CNTNAP5: variants seen among roughly 807,000 people sequenced by gnomAD.
The protein encoded by CNTNAP5 is contactin associated protein family member 5.
CNTNAP5 carries 72 observed loss-of-function variants against 150.2 expected under a neutral mutation model. That is an observed-to-expected ratio of 0.48 (90% CI 0.40 to 0.58). The LOEUF is 0.58. Ranked by LOEUF, CNTNAP5 falls within the 20% of genes least tolerant of loss-of-function variation. CNTNAP5 has a pLI of 0.00. For synonymous variants in CNTNAP5, 672 were observed against 619.8 expected (o/e 1.08, Z -1.25); for missense variants, 1,636 against 1,626.2 (o/e 1.01, Z -0.10).
intron 3 of CNTNAP5, among the ~76,000 whole-genome samples, chr2:124,370,310 GT>G (rs1690492105): frequency 6.6e-6 from 1 of 152,112 alleles, no homozygotes; most frequent in African/African-American, 2.4e-5. Flanking sequence ...AAGAGAAAGG[GT>G]TGCAATGGCT....
intron 22 of CNTNAP5, among the ~76,000 whole-genome samples, chr2:124,909,960 C>T (rs1177104677): frequency 6.6e-6 from 1 of 150,472 alleles, no homozygotes; most frequent in African/African-American, 2.4e-5. Context: ...CCAGACCCAC[C>T]TTATCAATGT....
chr2:124,173,113 G>A (rs748479881), intron 1 of CNTNAP5, among the ~76,000 whole-genome samples: 4 of 152,114 alleles, frequency 2.6e-5, no homozygotes, highest in Non-Finnish European at 5.9e-5. Flanking sequence ...CACCAAAAGT[G>A]CACCTCTATA....
At chr2:124,504,881 T>A (rs949046839) in intron 8 of CNTNAP5, among the ~76,000 whole-genome samples, 1 of 151,866 alleles carries the variant, frequency 6.6e-6, no homozygotes, top group Non-Finnish European at 1.5e-5. Context: ...TAATTTTTTT[T>A]ATTTTTAGTA....
intron 19 of CNTNAP5, among the ~76,000 whole-genome samples, chr2:124,862,367 C>T (rs1031512025): frequency 1.3e-5 from 2 of 152,146 alleles, no homozygotes; most frequent in Non-Finnish European, 2.9e-5. Flanking sequence ...CTTTATTAGA[C>T]TTAGGGACAA....
intron 13 of CNTNAP5, among the ~76,000 whole-genome samples, chr2:124,661,267 T>C (rs546473165): frequency 6.6e-6 from 1 of 152,328 alleles, no homozygotes; most frequent in South Asian, 2.1e-4. Flanking sequence ...AAAACACACA[T>C]TGCACATCTG....
chr2:124,138,664 A>T (rs545556507), intron 1 of CNTNAP5, among the ~76,000 whole-genome samples: 1 of 152,292 alleles, frequency 6.6e-6, no homozygotes, highest in South Asian at 2.1e-4. Flanking sequence ...TGCAAAGCCA[A>T]ATTGGAGAAT....
intron 4 of CNTNAP5, among the ~76,000 whole-genome samples, chr2:124,429,774 C>T (rs1199391111): frequency 6.6e-6 from 1 of 152,150 alleles, no homozygotes; most frequent in Non-Finnish European, 1.5e-5. Context: ...CTGAGCATGG[C>T]CTGCAGAAGA....
chr2:124,731,351 T>TC (rs982665704), intron 13 of CNTNAP5, among the ~76,000 whole-genome samples: 3 of 151,984 alleles, frequency 2.0e-5, no homozygotes, highest in African/African-American at 7.3e-5. Context: ...TTTTTTCACT[T>TC]CTTTTTTTTT....
At position 124,229,612 on chromosome 2, in the gene CNTNAP5, A is replaced by G. The variant is rs377600020; in HGVS notation, c.187+7803A>G. Reference sequence around the variant, plus strand: ...AACTTAGGTTGCCAACTCAATCTATATAATTGTGGCTTAGGACGGATCAGT... The same window carrying G: ...AACTTAGGTTGCCAACTCAATCTATGTAATTGTGGCTTAGGACGGATCAGT... On this transcript the variant is annotated intron_variant, in intron 2 of 23. Coordinates refer to ENST00000682447, the MANE Select transcript of CNTNAP5 (RefSeq NM_001367498.1). 6.0e-4 allele frequency among the ~76,000 whole-genome samples: 92 copies of G among 152,332 alleles called. 1 individual carries two copies. The South Asian group carries it at 0.017, about 28-fold the overall frequency.
intron 17 of CNTNAP5, among the ~76,000 whole-genome samples, chr2:124,773,434 A>G (rs1681249772): frequency 6.6e-6 from 1 of 152,170 alleles, no homozygotes; most frequent in Non-Finnish European, 1.5e-5. Context: ...TATCCATGCA[A>G]TGATATAGTT....
chr2:124,122,376 G>T (rs1683584558), intron 1 of CNTNAP5, among the ~76,000 whole-genome samples: 1 of 152,154 alleles, frequency 6.6e-6, no homozygotes, highest in Non-Finnish European at 1.5e-5. Context: ...CATATTGAAT[G>T]ATTCTGGTAA....
chr2:124,435,475 A>G (rs1399506263), intron 5 of CNTNAP5, among the ~76,000 whole-genome samples: 3 of 151,956 alleles, frequency 2.0e-5, no homozygotes, highest in Admixed American at 6.6e-5. Context: ...ACAAAAAAAC[A>G]CTCTTCTATA....
intron 1 of CNTNAP5, among the ~76,000 whole-genome samples, chr2:124,110,197 A>G (rs77577887): frequency 0.094 from 14,271 of 152,238 alleles, 787 homozygotes; most frequent in Non-Finnish European, 0.13. Context: ...CCTGACTGTG[A>G]CATCTTCCCT....
intron 3 of CNTNAP5, among the ~76,000 whole-genome samples, chr2:124,298,389 C>T (rs1388232110): frequency 3.3e-5 from 5 of 152,116 alleles, no homozygotes; most frequent in Non-Finnish European, 7.3e-5. Context: ...AGGGAGAAGG[C>T]TTGGAAAATA....
intron 7 of CNTNAP5, among the ~76,000 whole-genome samples, chr2:124,477,553 C>T (rs145657698): frequency 1.3e-5 from 2 of 152,112 alleles, no homozygotes; most frequent in African/African-American, 4.8e-5. Flanking sequence ...ATTACTTGTC[C>T]ATCTCTGGCT....
intron 13 of CNTNAP5, among the ~76,000 whole-genome samples, chr2:124,689,298 G>A (rs1679253583): frequency 6.6e-6 from 1 of 152,094 alleles, no homozygotes; most frequent in African/African-American, 2.4e-5. Flanking sequence ...CCATTATCGG[G>A]ATGAAGATAT....
In CNTNAP5 at chr2:124,682,456, T is replaced by C. The variant is rs117070704; in HGVS notation, c.2077+34498T>C. ...TTTAAACAAAGTGTTGACTGTGCTC[T>C]AATAATGGTGCTTTTTTAATGGAAC... On this transcript the variant is annotated intron_variant, in intron 13 of 23. Coordinates refer to ENST00000682447, the MANE Select transcript of CNTNAP5 (RefSeq NM_001367498.1). 1.8e-3 allele frequency among the ~76,000 whole-genome samples: 275 copies of C among 152,308 alleles called. 5 individuals carry two copies. The East Asian group carries it at 0.042, about 23-fold the overall frequency.
rs201280309 is a variant in CNTNAP5, at chr2:124,149,426, A to AC, written c.83-72278dup. 4.6e-3 allele frequency among the ~76,000 whole-genome samples: 644 copies of AC among 141,342 alleles called. 4 individuals are homozygous for AC. Among genetic ancestry groups the AC allele is most frequent in the African/African-American group, 0.016 (595 of 38,174 alleles). The allele number at this position is 141,342 out of a possible 152,430, so 92.7% of individuals were successfully genotyped here. A position where few individuals can be genotyped will look rare whatever the true frequency, so the allele number is the denominator to read the frequency against. Reference sequence around the variant, plus strand: ...TGCAAAAAAAAAAAAAAAAAAAAAAACTCAGGAAAACTCAACTTCATTCTG... The same window carrying AC: ...TGCAAAAAAAAAAAAAAAAAAAAAAACCTCAGGAAAACTCAACTTCATTCTG... On this transcript the variant is annotated intron_variant, in intron 1 of 23. Transcript: ENST00000682447.
intron 1 of CNTNAP5, among the ~76,000 whole-genome samples, chr2:124,051,583 C>T (rs917465489): frequency 2.0e-5 from 3 of 152,068 alleles, no homozygotes; most frequent in Non-Finnish European, 2.9e-5. Flanking sequence ...CTAAATTATA[C>T]GCTTTGTAGC....
Sources: gnomAD v4.1 joint callset for allele counts (sites outside exome capture counted in the v4.1 genomes callset) on GRCh38, gnomAD v4.1.1 for gene constraint, MANE v1.5 for transcripts, NCBI Gene and HGNC (gene_info 2026-07-23, HGNC 2026-07-21) for gene names.